MNAT1: variants seen among roughly 807,000 people sequenced by gnomAD.
MNAT1 encodes the protein CDK-activating kinase assembly factor MAT1.
MNAT1 carries 43 observed loss-of-function variants against 42.0 expected under a neutral mutation model. The ratio of observed to expected loss-of-function variants is 1.02; its 90% CI spans 0.80 to 1.32. The LOEUF is 1.32. Among genes scored for constraint, MNAT1 ranks in the 40% most tolerant of loss-of-function variants. The pLI is 0.00. For synonymous variants in MNAT1, 118 were observed against 120.0 expected (o/e 0.98, Z 0.11); for missense variants, 306 against 350.4 (o/e 0.87, Z 1.01).
In MNAT1 at chr14:60,941,331, T is replaced by C. The variant is rs143397746; in HGVS notation, c.810-26898T>C. On this transcript the variant is annotated intron_variant, in intron 7 of 7. Transcript: ENST00000261245. ...CTAGGATGCTTTCAATAACATAGTT[T>C]AAAATGTAGTCACACTTATAGCTAG... 9.0e-4 allele frequency among the ~76,000 whole-genome samples: 137 copies of C among 152,318 alleles called. 1 individual carries two copies. The highest frequency in any genetic ancestry group is 3.1e-3 in the African/African-American group (127 of 41,570).
chr14:60,847,573 A>C (rs908744733), intron 6 of MNAT1, among the ~76,000 whole-genome samples: 4 of 152,128 alleles, frequency 2.6e-5, no homozygotes, highest in Non-Finnish European at 5.9e-5. Flanking sequence ...TTGTTTTTAT[A>C]GTGTTCAAGC....
At position 60,800,313 on chromosome 14, in the gene MNAT1, C is replaced by T. The variant is rs143471883; in HGVS notation, c.316+2153C>T. 6.6e-5 allele frequency among the ~76,000 whole-genome samples: 10 copies of T among 152,198 alleles called. No homozygotes were observed. In the East Asian group the frequency reaches 1.9e-3, roughly 29 times the overall value. The stretch of plus-strand genomic sequence containing the variant: ...CCTGTAATCACAGCACTTTGGGAGG[C>T]CAAGGCAAGAGGATTGCTTGAGCCC... On this transcript the variant is annotated intron_variant, in intron 3 of 7. Coordinates refer to ENST00000261245, the MANE Select transcript of MNAT1 (RefSeq NM_002431.4).
At chr14:60,746,969 CACACACACAA>C (rs1276782569) in intron 1 of MNAT1, among the ~76,000 whole-genome samples, 4 of 45,312 alleles carry the variant, frequency 8.8e-5, no homozygotes, top group Non-Finnish European at 2.4e-4. Flanking sequence ...CACACACACA[CACACACACAA>C]AATTATGTCT....
At chr14:60,931,449 G>C (rs940436605) in intron 7 of MNAT1, among the ~76,000 whole-genome samples, 5 of 152,184 alleles carry the variant, frequency 3.3e-5, no homozygotes, top group African/African-American at 4.8e-5. Context: ...TCTGCTGCCA[G>C]AGAGTATGTG....
intron 6 of MNAT1, among the ~76,000 whole-genome samples, chr14:60,824,695 T>C (rs1015669544): frequency 1.3e-5 from 2 of 152,212 alleles, no homozygotes; most frequent in African/African-American, 4.8e-5. Flanking sequence ...GTTAACTTCA[T>C]ATGATTGTTT....
chr14:60,752,940 T>C (rs2030162916), intron 1 of MNAT1, among the ~76,000 whole-genome samples: 1 of 152,150 alleles, frequency 6.6e-6, no homozygotes, highest in South Asian at 2.1e-4. Context: ...AATTTTTGTA[T>C]TTTTAGTAGA....
chr14:60,940,838 T>A (rs2036139034), intron 7 of MNAT1, among the ~76,000 whole-genome samples: 1 of 152,154 alleles, frequency 6.6e-6, no homozygotes, highest in African/African-American at 2.4e-5. Flanking sequence ...ACAAATCTCT[T>A]CAACATTACA....
intron 7 of MNAT1, among the ~76,000 whole-genome samples, chr14:60,957,345 G>C (rs1473274437): frequency 2.6e-5 from 4 of 152,182 alleles, no homozygotes; most frequent in African/African-American, 9.7e-5. Context: ...TTGACTCTCA[G>C]TTCCACATGG....
chr14:60,862,041 C>G (rs1261941249), intron 6 of MNAT1, among the ~76,000 whole-genome samples: 2 of 152,098 alleles, frequency 1.3e-5, no homozygotes, highest in South Asian at 2.1e-4. Context: ...AAAGAAAACA[C>G]AAGACAGTAT....
intron 7 of MNAT1, among the ~76,000 whole-genome samples, chr14:60,955,977 TTTTC>T (rs1791938574): frequency 6.6e-6 from 1 of 152,236 alleles, no homozygotes; most frequent in South Asian, 2.1e-4. Flanking sequence ...CATTGATTTT[TTTTC>T]TTTCTATTGT....
chr14:60,936,064 G>C (rs983606941), intron 7 of MNAT1, among the ~76,000 whole-genome samples: 2 of 152,284 alleles, frequency 1.3e-5, no homozygotes, highest in African/African-American at 4.8e-5. Context: ...AACTGAGGAG[G>C]CCAGGATCCT....
chr14:60,965,403 A>G (rs922166121), intron 7 of MNAT1, among the ~76,000 whole-genome samples: 1 of 152,202 alleles, frequency 6.6e-6, no homozygotes, highest in Admixed American at 6.5e-5. Flanking sequence ...TATACTCTTT[A>G]TGGAAACATG....
intron 6 of MNAT1, among the ~76,000 whole-genome samples, chr14:60,871,953 A>G (rs1444962301): frequency 6.6e-6 from 1 of 152,090 alleles, no homozygotes. Context: ...AGTATTCTGA[A>G]TTTGATCGAA....
At chr14:60,750,640 AT>A (rs2030047474) in intron 1 of MNAT1, among the ~76,000 whole-genome samples, 1 of 149,404 alleles carries the variant, frequency 6.7e-6, no homozygotes, top group African/African-American at 2.5e-5. Flanking sequence ...TAAATAAGCT[AT>A]TTTTTAAAAA....
At position 60,904,976 on chromosome 14, in the gene MNAT1, C is replaced by CTTTTTTTTTTTTTTTTTTTTTTTT. The variant is rs3081651; in HGVS notation, c.809+25158_809+25159insTTTTTTTTTTTTTTTTTTTTTTTT. ...AAAACAATAGATTGTTCAGCAGTTC[C>CTTTTTTTTTTTTTTTTTTTTTTTT]TTTTTTTTTTTTTTTTTGGACGGAG... On this transcript the variant is annotated intron_variant, in intron 7 of 7. Transcript: ENST00000261245. Among the ~76,000 whole-genome samples the CTTTTTTTTTTTTTTTTTTTTTTTT allele has an allele frequency of 2.5e-5, 2 of 79,010 alleles. 1 individual carries two copies. The highest frequency in any genetic ancestry group is 8.9e-5 in the African/African-American group (2 of 22,460). 51.8% of individuals were successfully genotyped at this position (79,010 alleles called of 152,430 possible). A position where few individuals can be genotyped will look rare whatever the true frequency, so the allele number is the denominator to read the frequency against.
intron 1 of MNAT1, among the ~76,000 whole-genome samples, chr14:60,762,446 G>A (rs999758427): frequency 1.2e-4 from 18 of 152,054 alleles, no homozygotes; most frequent in Admixed American, 9.8e-4. Context: ...TTAGGAGGTG[G>A]AGGTGGGAGG....
intron 6 of MNAT1, among the ~76,000 whole-genome samples, chr14:60,821,698 T>C (rs886578705): frequency 2.0e-5 from 3 of 152,204 alleles, no homozygotes; most frequent in Non-Finnish European, 2.9e-5. Context: ...TTTTATTATA[T>C]ATTGTAGCTC....
chr14:60,865,123 TAAAA>T (rs1042008277), intron 6 of MNAT1, among the ~76,000 whole-genome samples: 13 of 152,072 alleles, frequency 8.5e-5, no homozygotes, highest in Admixed American at 4.6e-4. Flanking sequence ...CAAATCTAAA[TAAAA>T]TGTGGTCTCT....
intron 7 of MNAT1, among the ~76,000 whole-genome samples, chr14:60,933,312 G>T (rs1028096122): frequency 3.3e-5 from 5 of 151,646 alleles, no homozygotes; most frequent in African/African-American, 1.2e-4. Flanking sequence ...TTGTTGTATT[G>T]CCGTTCTTCC....
Sources: gnomAD v4.1 joint callset for allele counts (sites outside exome capture counted in the v4.1 genomes callset) on GRCh38, gnomAD v4.1.1 for gene constraint, MANE v1.5 for transcripts, NCBI Gene and HGNC (gene_info 2026-07-23, HGNC 2026-07-21) for gene names.